GABPB1: variants seen among roughly 807,000 people sequenced by gnomAD.
GABPB1 encodes GA-binding protein subunit beta-1.
GABPB1 carries 15 observed loss-of-function variants against 45.9 expected under a neutral mutation model. That is an observed-to-expected ratio of 0.33 (90% confidence interval 0.22 to 0.50). The LOEUF is 0.50. GABPB1 is among the 20% of genes least tolerant of loss of function. The pLI is 0.98. For synonymous variants in GABPB1, 143 were observed against 154.4 expected (o/e 0.93, Z 0.55); for missense variants, 252 against 457.5 (o/e 0.55, Z 4.10).
In GABPB1 at chr15:50,282,560, G is replaced by GAAAAAAAAAAAAAAAAAAAAA. The variant is rs552203074; in HGVS notation, c.999+3507_999+3508insTTTTTTTTTTTTTTTTTTTTT. On this transcript the variant is annotated intron_variant, in intron 8 of 8. Transcript: ENST00000380877. Reference sequence around the variant, plus strand: ...CAAAGTGAGACCCTGCCTTAAAAAAGAAAAAAAAAAAAAAACAGAGACGGA... The same window carrying GAAAAAAAAAAAAAAAAAAAAA: ...CAAAGTGAGACCCTGCCTTAAAAAAGAAAAAAAAAAAAAAAAAAAAAAAAAAAAAAAAAAAACAGAGACGGA... Among the ~76,000 whole-genome samples the GAAAAAAAAAAAAAAAAAAAAA allele has an allele frequency of 1.6e-3, 140 of 88,988 alleles. 26 individuals carry two copies. Among genetic ancestry groups the GAAAAAAAAAAAAAAAAAAAAA allele is most frequent in the African/African-American group, 3.5e-3 (92 of 26,074 alleles). The allele number at this position is 88,988 out of a possible 152,430, so 58.4% of individuals were successfully genotyped here.
At chr15:50,336,946 G>C (rs1001908317) in intron 1 of GABPB1, among the ~76,000 whole-genome samples, 6 of 151,054 alleles carry the variant, frequency 4.0e-5, no homozygotes, top group Admixed American at 3.3e-4. Context: ...TCAGGAAGCT[G>C]AAGTGGGAGG....
At chr15:50,287,903 C>T (rs2046220895) in intron 7 of GABPB1, among the ~76,000 whole-genome samples, 1 of 152,150 alleles carries the variant, frequency 6.6e-6, no homozygotes, top group Admixed American at 6.5e-5. Flanking sequence ...GCTACAGCAA[C>T]AAACTCCTTT....
chr15:50,319,785 C>A (rs975736398), intron 1 of GABPB1, among the ~76,000 whole-genome samples: 1 of 152,008 alleles, frequency 6.6e-6, no homozygotes, highest in Non-Finnish European at 1.5e-5. Context: ...TTGCAGTGAG[C>A]CGAGATCACA....
intron 8 of GABPB1, among the ~76,000 whole-genome samples, chr15:50,285,228 A>G (rs1298750136): frequency 6.6e-6 from 1 of 152,166 alleles, no homozygotes; most frequent in East Asian, 1.9e-4. Context: ...AATTCTCACA[A>G]AAACCCGAAA....
chr15:50,337,247 A>T (rs1190124925), intron 1 of GABPB1, among the ~76,000 whole-genome samples: 2 of 151,086 alleles, frequency 1.3e-5, no homozygotes, highest in African/African-American at 2.4e-5. Flanking sequence ...TAAAGAGGTA[A>T]GCACACGTTG....
At chr15:50,286,403 AT>A (rs562111384) in intron 7 of GABPB1, among the ~76,000 whole-genome samples, 16 of 152,078 alleles carry the variant, frequency 1.1e-4, no homozygotes, top group African/African-American at 3.4e-4. Context: ...ACCTACAAAT[AT>A]TTTTTTAATT....
chr15:50,339,820 G>C lies in GABPB1; in HGVS notation c.-1+15165C>G, dbSNP rs562592370. 3.3e-5 allele frequency among the ~76,000 whole-genome samples: 5 copies of C among 152,296 alleles called. No individual in the cohort carries two copies. In the South Asian group the frequency reaches 6.2e-4, roughly 19 times the overall value. On this transcript the variant is annotated intron_variant, in intron 1 of 8. Transcript: ENST00000380877. ...AGAAGTAGTAAGGATTTGTCAGTTAGCATGTCCAGAACTTCCCAGGCACAT... is the reference window on the plus strand; with the variant it reads ...AGAAGTAGTAAGGATTTGTCAGTTACCATGTCCAGAACTTCCCAGGCACAT...
chr15:50,345,979 G>A (rs1310193953), intron 1 of GABPB1, among the ~76,000 whole-genome samples: 1 of 152,108 alleles, frequency 6.6e-6, no homozygotes, highest in Non-Finnish European at 1.5e-5. Flanking sequence ...CCAAAGTGCT[G>A]GGTTTACAGG....
intron 1 of GABPB1, among the ~76,000 whole-genome samples, chr15:50,336,495 A>AT (rs2048132169): frequency 2.0e-5 from 3 of 151,690 alleles, no homozygotes; most frequent in Non-Finnish European, 4.4e-5. Flanking sequence ...GGAGCTTAAG[A>AT]CTCCATCTCT....
rs1595819258 is a variant in GABPB1, at chr15:50,331,081, G to C, written c.1-21283C>G. Among the ~76,000 whole-genome samples, 3 of 152,322 alleles carry C rather than the reference G, an allele frequency of 2.0e-5. No homozygotes were observed. The South Asian group carries it at 6.2e-4, about 32-fold the overall frequency. On this transcript the variant is annotated intron_variant, in intron 1 of 8. Coordinates refer to ENST00000380877, the MANE Select transcript of GABPB1 (RefSeq NM_016654.5). ...CCAAAGGAAGCATCATGATGCACAA[G>C]TCATTCTCTTGGTTGCTTAGCATCA...
At chr15:50,313,633 G>GA (rs1041924678) in intron 1 of GABPB1, among the ~76,000 whole-genome samples, 1 of 151,494 alleles carries the variant, frequency 6.6e-6, no homozygotes, top group African/African-American at 2.4e-5. Context: ...GAATCTAAAG[G>GA]AAAAAAATGC....
In GABPB1 at chr15:50,301,331, C is replaced by T; in HGVS notation, c.509G>A (p.Ser170Asn). 3 of 1,613,922 alleles carry T rather than the reference C, an allele frequency of 1.9e-6. No individual in the cohort carries two copies. Among genetic ancestry groups the T allele is most frequent in the Non-Finnish European group, 2.5e-6 (3 of 1,179,928 alleles). Residue 170 changes from serine to asparagine, a missense_variant, in exon 5 of 9, where the codon AGT (serine) becomes AAT (asparagine). Coordinates refer to ENST00000380877, the MANE Select transcript of GABPB1 (RefSeq NM_016654.5). ...MQNQINTNPESPDTVTIHAAT... is the reference protein window; with the variant it reads ...MQNQINTNPENPDTVTIHAAT... ...AGCATGTATTGTCACAGTGTCAGGA[C>T]TCTCTGGGTTTGTGTTGATTTGGTT...
At chr15:50,283,256 C>T (rs540192924) in intron 8 of GABPB1, among the ~76,000 whole-genome samples, 74 of 152,060 alleles carry the variant, frequency 4.9e-4, no homozygotes, top group Non-Finnish European at 8.7e-4. Flanking sequence ...CTGTAAATAA[C>T]ACTCTTCCTC....
chr15:50,294,803 C>A (rs2046458630), intron 6 of GABPB1, among the ~76,000 whole-genome samples: 1 of 151,910 alleles, frequency 6.6e-6, no homozygotes, highest in Admixed American at 6.6e-5. Flanking sequence ...CTTTTTTTAA[C>A]CCCTGTTTTG....
intron 6 of GABPB1, among the ~76,000 whole-genome samples, chr15:50,293,531 A>G (rs559763329): frequency 8.5e-5 from 13 of 152,364 alleles, no homozygotes; most frequent in Admixed American, 7.2e-4. Flanking sequence ...GTAGGACATA[A>G]AATAGTAATA....
intron 6 of GABPB1, among the ~76,000 whole-genome samples, chr15:50,300,106 C>T (rs2046674273): frequency 6.6e-6 from 1 of 152,116 alleles, no homozygotes; most frequent in Admixed American, 6.6e-5. Flanking sequence ...CATGCCCAGC[C>T]AAAGTGAGTT....
intron 2 of GABPB1, among the ~76,000 whole-genome samples, chr15:50,308,817 T>C (rs923705967): frequency 1.3e-5 from 2 of 152,228 alleles, no homozygotes; most frequent in African/African-American, 4.8e-5. Context: ...TTTAAAGATT[T>C]ATTTATTCTT....
At chr15:50,315,802 C>G (rs1414804571) in intron 1 of GABPB1, among the ~76,000 whole-genome samples, 1 of 152,178 alleles carries the variant, frequency 6.6e-6, no homozygotes, top group African/African-American at 2.4e-5. Flanking sequence ...TGGACGGGTG[C>G]AGTGACTCAA....
At chr15:50,348,231 C>T (rs2048674427) in intron 1 of GABPB1, among the ~76,000 whole-genome samples, 1 of 151,960 alleles carries the variant, frequency 6.6e-6, no homozygotes, top group Non-Finnish European at 1.5e-5. Context: ...AAAATAGAAT[C>T]ACAGTCAGGA....
Sources: allele counts gnomAD v4.1 joint callset (sites outside exome capture counted in the v4.1 genomes callset), GRCh38; gene constraint gnomAD v4.1.1; transcripts MANE v1.5; gene names NCBI Gene and HGNC (gene_info 2026-07-23, HGNC 2026-07-21).